Variants in ANO4 observed in about 807,000 individuals in gnomAD.
ANO4 encodes anoctamin 4.
In ANO4, 69 loss-of-function variants were observed where a neutral mutation model predicts 141.9. That is an observed-to-expected ratio of 0.49 (90% confidence interval 0.40 to 0.59). The LOEUF (loss-of-function observed/expected upper bound fraction) is 0.59, where lower values mean the gene tolerates loss of function less well. Ranked by LOEUF, ANO4 falls within the 20% of genes least tolerant of loss-of-function variation. The pLI is 0.00. For missense variants in ANO4, 894 were observed against 1,162.2 expected, an observed-to-expected ratio of 0.77 and a Z score of 3.36; for synonymous variants, 350 against 394.3, an observed-to-expected ratio of 0.89 and a Z score of 1.33.
chr12:101,105,554 G>A (rs1330300304), intron 22 of ANO4, among the ~76,000 whole-genome samples: 3 of 152,170 alleles, frequency 2.0e-5, no homozygotes, highest in African/African-American at 7.2e-5. Context: ...GCCTCTACAT[G>A]TGTGGCATAC....
intron 22 of ANO4, 127 bp from the exon 23 acceptor site, chr12:101,110,277 A>G (rs1593294762): frequency 1.0e-6 from 1 of 962,598 alleles, no homozygotes; most frequent in East Asian, 3.0e-5. Flanking sequence ...TCTGGAAGAG[A>G]TATCCCCTGT....
chr12:100,871,003 C>G (rs1482928029), intron 1 of ANO4, among the ~76,000 whole-genome samples: 1 of 152,096 alleles, frequency 6.6e-6, no homozygotes, highest in African/African-American at 2.4e-5. Flanking sequence ...TGACAAAAAA[C>G]CTCATCTAAT....
intron 5 of ANO4, among the ~76,000 whole-genome samples, chr12:100,957,959 C>G (rs1434359990): frequency 6.6e-6 from 1 of 152,212 alleles, no homozygotes; most frequent in Non-Finnish European, 1.5e-5. Flanking sequence ...CTGCCCACTT[C>G]AGCCTCCCAA....
chr12:100,754,514 C>T (rs2032525290), intron 3 of ANO4, among the ~76,000 whole-genome samples: 1 of 151,892 alleles, frequency 6.6e-6, no homozygotes, highest in African/African-American at 2.4e-5. Flanking sequence ...TGGTGGTCCT[C>T]AGTAAGTAAA....
intron 2 of ANO4, among the ~76,000 whole-genome samples, chr12:100,903,414 C>T (rs538656722): frequency 6.6e-6 from 1 of 152,328 alleles, no homozygotes; most frequent in South Asian, 2.1e-4. Context: ...TACCCCTAAT[C>T]AGTTACTGTG....
At chr12:100,842,021 G>T (rs2135813501) in intron 1 of ANO4, among the ~76,000 whole-genome samples, 1 of 134,028 alleles carries the variant, frequency 7.5e-6, no homozygotes, top group South Asian at 2.4e-4. Context: ...CAAATTCTCT[G>T]TGTAGCTTCT....
At chr12:100,796,553 A>G (rs184446012) in intron 1 of ANO4, among the ~76,000 whole-genome samples, 2 of 152,284 alleles carry the variant, frequency 1.3e-5, no homozygotes, top group African/African-American at 2.4e-5. Flanking sequence ...ATACGTTTAA[A>G]TAAAAAACAA....
At chr12:100,962,069 C>T (rs1349581509) in intron 5 of ANO4, among the ~76,000 whole-genome samples, 1 of 152,176 alleles carries the variant, frequency 6.6e-6, no homozygotes, top group Non-Finnish European at 1.5e-5. Context: ...AAGATTTGTG[C>T]TCAGCCCCTC....
intron 14 of ANO4, among the ~76,000 whole-genome samples, chr12:101,051,988 AAAAC>A (rs2047891992): frequency 6.6e-6 from 1 of 152,226 alleles, no homozygotes; most frequent in South Asian, 2.1e-4. Context: ...AGCATTAAAG[AAAAC>A]AAATGCACTC....
At chr12:100,813,621 A>G (rs922071879) in intron 1 of ANO4, among the ~76,000 whole-genome samples, 1 of 152,188 alleles carries the variant, frequency 6.6e-6, no homozygotes, top group Non-Finnish European at 1.5e-5. Context: ...CAATATAAAC[A>G]TATGCTACAT....
chr12:100,941,957 A>ATTATT lies in ANO4; in HGVS notation c.298-420_298-419insTTATT, dbSNP rs1555257092. On this transcript the variant is annotated intron_variant, in intron 4 of 27. Transcript: ENST00000392977. ...ATATGTAATTGAACACAATGAAAAA[A>ATTATT]ATTATTATTATTATTATTATTATTA... Among the ~76,000 whole-genome samples, 5 of 143,154 alleles carry ATTATT rather than the reference A, an allele frequency of 3.5e-5. No homozygotes were observed. The South Asian group carries it at 8.9e-4, about 25-fold the overall frequency. 93.9% of individuals were successfully genotyped at this position (143,154 alleles called of 152,430 possible). A position where few individuals can be genotyped will look rare whatever the true frequency, so the allele number is the denominator to read the frequency against.
rs2035043573 is a variant in ANO4, at chr12:100,806,523, CGTTTTTTTTTTTTTTTT to C, written c.-141+11497_-141+11513del. 4.0e-4 allele frequency among the ~76,000 whole-genome samples: 18 copies of C among 44,980 alleles called. 2 individuals are homozygous for C. The highest frequency in any genetic ancestry group is 3.2e-3 in the East Asian group (3 of 924). 29.5% of individuals were successfully genotyped at this position (44,980 alleles called of 152,430 possible). A position where few individuals can be genotyped will look rare whatever the true frequency, so the allele number is the denominator to read the frequency against. On this transcript the variant is annotated intron_variant, in intron 1 of 27. Transcript: ENST00000392977. Reference sequence around the variant, plus strand: ...TTTTTAGGAGGTTTTTTTTTTGTTTCGTTTTTTTTTTTTTTTTTTTTTTTTTTTTTTTTTTTTGTGAG... The same window carrying C: ...TTTTTAGGAGGTTTTTTTTTTGTTTCTTTTTTTTTTTTTTTTTTTTGTGAG...
chr12:101,090,089 C>G (rs898154949), intron 17 of ANO4, among the ~76,000 whole-genome samples: 66 of 152,236 alleles, frequency 4.3e-4, no homozygotes, highest in Non-Finnish European at 8.8e-4. Context: ...CTTAAAAAGT[C>G]AGGAAACAAC....
At chr12:100,857,900 T>C (rs1379988431) in intron 1 of ANO4, among the ~76,000 whole-genome samples, 1 of 152,166 alleles carries the variant, frequency 6.6e-6, no homozygotes, top group Non-Finnish European at 1.5e-5. Context: ...AATATTTGAA[T>C]ATTGATAATA....
chr12:100,954,025 T>C (rs1485767535), intron 5 of ANO4, among the ~76,000 whole-genome samples: 1 of 152,114 alleles, frequency 6.6e-6, no homozygotes, highest in Non-Finnish European at 1.5e-5. Context: ...TGCAAACACC[T>C]CCCTAACTTG....
At position 101,048,827 on chromosome 12, in the gene ANO4, A is replaced by AG. The variant is rs1328601199; in HGVS notation, c.1312+428dup. On this transcript the variant is annotated intron_variant, in intron 14 of 27. Coordinates refer to ENST00000392977, the MANE Select transcript of ANO4 (RefSeq NM_001286615.2). ...ACCCCTAAAAACAAGGTCTATTCAC[A>AG]GGACTGATTTGAGCTTTTTGATATA... Among the ~76,000 whole-genome samples the AG allele has an allele frequency of 2.0e-5, 3 of 152,274 alleles. No individual in the cohort carries two copies. In the East Asian group the frequency reaches 5.8e-4, roughly 29 times the overall value.
At chr12:100,738,441 G>T (rs988131005) in intron 2 of ANO4, among the ~76,000 whole-genome samples, 1 of 152,062 alleles carries the variant, frequency 6.6e-6, no homozygotes, top group African/African-American at 2.4e-5. Context: ...ATTTGCTAAT[G>T]AACTCCATTT....
chr12:100,963,677 T>C (rs1236168267), intron 5 of ANO4, among the ~76,000 whole-genome samples: 1 of 152,134 alleles, frequency 6.6e-6, no homozygotes, highest in Non-Finnish European at 1.5e-5. Flanking sequence ...AAACTGGAGC[T>C]CATAAAAGTA....
chr12:101,009,891 T>C (rs2046014117), intron 8 of ANO4, among the ~76,000 whole-genome samples: 1 of 152,170 alleles, frequency 6.6e-6, no homozygotes, highest in South Asian at 2.1e-4. Context: ...CTTATCTTCC[T>C]CTTTTTTTGA....
Sources: gnomAD v4.1 joint callset for allele counts (sites outside exome capture counted in the v4.1 genomes callset) on GRCh38, gnomAD v4.1.1 for gene constraint, MANE v1.5 for transcripts, NCBI Gene and HGNC (gene_info 2026-07-23, HGNC 2026-07-21) for gene names.